Variants in ZFTRAF1 observed in about 807,000 individuals in gnomAD.
ZFTRAF1 encodes zinc finger TRAF-type and ring finger containing 1, also known as zinc finger TRAF-type-containing protein 1.
At chr8:144,450,081 C>G in the ZFTRAF1 span, 1 of 423,012 alleles carries the variant, frequency 2.4e-6, no homozygotes, top group South Asian at 2.6e-5. Flanking sequence ...CGCTGTGCCT[C>G]TCGGCCTCCT....
At chr8:144,453,422 G>C in the ZFTRAF1 span, 13 of 1,551,028 alleles carry the variant, frequency 8.4e-6, no homozygotes, top group Non-Finnish European at 1.0e-5. Context: ...CTAGTAGGTG[G>C]ATAAAACAGC....
chr8:144,450,580 C>A, the ZFTRAF1 span: 1 of 718,160 alleles, frequency 1.4e-6, no homozygotes, highest in South Asian at 1.5e-5. Context: ...AGCACTCCAG[C>A]GGTGCCGTGA....
chr8:144,450,580 C>T, the ZFTRAF1 span: 22 of 718,042 alleles, frequency 3.1e-5, no homozygotes, highest in African/African-American at 1.0e-4. Context: ...AGCACTCCAG[C>T]GGTGCCGTGA....
the ZFTRAF1 span, chr8:144,450,678 G>C: frequency 1.4e-6 from 1 of 717,762 alleles, no homozygotes; most frequent in Non-Finnish European, 2.6e-6. Context: ...CGAGCCTTCA[G>C]GACCCACGTC....
chr8:144,462,367 G>C, the ZFTRAF1 span: 1 of 478,728 alleles, frequency 2.1e-6, no homozygotes, highest in East Asian at 3.8e-5. Context: ...TCCCGCTGCC[G>C]GCCGCCGCCG....
the ZFTRAF1 span, among the ~76,000 whole-genome samples, chr8:144,459,521 C>T: frequency 2.0e-5 from 3 of 152,260 alleles, no homozygotes; most frequent in Non-Finnish European, 4.4e-5. Flanking sequence ...GGTTTCCCAG[C>T]CTGTGAGGCA....
chr8:144,456,096 C>G, the ZFTRAF1 span: 2 of 152,356 alleles, frequency 1.3e-5, no homozygotes. Context: ...GCCCCAATAG[C>G]TCCATTCAAG....
the ZFTRAF1 span, among the ~76,000 whole-genome samples, chr8:144,461,956 G>A: frequency 6.6e-6 from 1 of 152,138 alleles, no homozygotes; most frequent in African/African-American, 2.4e-5. Flanking sequence ...TGGGTTGGGA[G>A]AGTGTTCAGG....
the ZFTRAF1 span, among the ~76,000 whole-genome samples, chr8:144,458,604 G>C: frequency 6.6e-6 from 1 of 152,132 alleles, no homozygotes; most frequent in Non-Finnish European, 1.5e-5. Context: ...CTGCTTCCTG[G>C]GCTGTTATCA....
chr8:144,457,717 C>G, the ZFTRAF1 span: 1 of 152,334 alleles, frequency 6.6e-6, no homozygotes, highest in Non-Finnish European at 1.5e-5. Context: ...ACCCCATCCC[C>G]TGGCTGAGGG....
At chr8:144,451,404 G>A in the ZFTRAF1 span, 1 of 153,930 alleles carries the variant, frequency 6.5e-6, no homozygotes, top group Non-Finnish European at 1.4e-5. Context: ...CACAGCCACA[G>A]TGCCCCAGCC....
the ZFTRAF1 span, chr8:144,457,297 T>G: frequency 6.6e-6 from 1 of 152,312 alleles, no homozygotes; most frequent in South Asian, 2.1e-4. Flanking sequence ...AGATCCCCAG[T>G]AATATGACCT....
chr8:144,454,329 G>C, the ZFTRAF1 span: 8 of 152,342 alleles, frequency 5.3e-5, no homozygotes, highest in African/African-American at 1.9e-4. Flanking sequence ...TGGGAGGTGG[G>C]AAGCCCAGAC....
At chr8:144,454,676 T>C in the ZFTRAF1 span, 1 of 152,296 alleles carries the variant, frequency 6.6e-6, no homozygotes, top group Non-Finnish European at 1.5e-5. Flanking sequence ...AGGCCCAGCC[T>C]CTCTACAAGG....
chr8:144,460,517 C>T, the ZFTRAF1 span, among the ~76,000 whole-genome samples: 1 of 152,256 alleles, frequency 6.6e-6, no homozygotes, highest in Non-Finnish European at 1.5e-5. Flanking sequence ...AATGGGGAGA[C>T]AAGGAGACTT....
At chr8:144,453,278 C>T in the ZFTRAF1 span, 2 of 1,551,048 alleles carry the variant, frequency 1.3e-6, no homozygotes, top group East Asian at 4.9e-5. Flanking sequence ...GAAACTGGCG[C>T]AGGCAGAAGC....
the ZFTRAF1 span, among the ~76,000 whole-genome samples, chr8:144,461,263 A>G: frequency 6.6e-6 from 1 of 152,238 alleles, no homozygotes; most frequent in Non-Finnish European, 1.5e-5. Context: ...ACAAGGCCCC[A>G]TTAGCTACTT....
At chr8:144,457,426 G>A in the ZFTRAF1 span, 1 of 152,234 alleles carries the variant, frequency 6.6e-6, no homozygotes, top group Non-Finnish European at 1.5e-5. Context: ...ACACCCAACA[G>A]GCAGACAGGA....
chr8:144,460,239 C>T, the ZFTRAF1 span, among the ~76,000 whole-genome samples: 5 of 152,216 alleles, frequency 3.3e-5, no homozygotes, highest in African/African-American at 9.6e-5. Flanking sequence ...CCAGGGAGGG[C>T]CACCAGCCAG....
Sources: allele counts gnomAD v4.1 joint callset (sites outside exome capture counted in the v4.1 genomes callset), GRCh38; gene constraint gnomAD v4.1.1; transcripts MANE v1.5; gene names NCBI Gene and HGNC (gene_info 2026-07-23, HGNC 2026-07-21).